Variants in ZBTB47 observed in about 807,000 individuals in gnomAD.
ZBTB47 encodes zinc finger and BTB domain-containing protein 47.
Under a neutral mutation model 56.6 loss-of-function variants are expected in ZBTB47, and 24 were observed. That is an observed-to-expected ratio of 0.42 (90% CI 0.31 to 0.60). The LOEUF (loss-of-function observed/expected upper bound fraction) is 0.60. ZBTB47 is among the 20% of genes least tolerant of loss of function. The pLI, the probability that ZBTB47 is intolerant of heterozygous loss-of-function variation, is 0.14. For missense variants in ZBTB47, 829 were observed against 1,032.6 expected (o/e 0.80, Z 2.70); for synonymous variants, 414 against 418.9 (o/e 0.99, Z 0.14).
Position 42,664,482 on chromosome 3 carries a change from C to T in ZBTB47, c.2128C>T (p.Leu710=), listed in dbSNP as rs1430519398. ...LPPTQPQAHA[L]PLLPGLPQTL... is the part of the protein sequence containing the mutation. ...CCCAACCCAGCCCCAGGCGCACGCA[C>T]TGCCCCTGCTCCCGGGGCTGCCCCA... is the stretch of plus-strand genomic sequence containing the variant. Residue 710 remains leucine, a synonymous_variant, in exon 6 of 6, where the codon CTG becomes TTG. Coordinates refer to ENST00000232974, the MANE Select transcript of ZBTB47 (RefSeq NM_145166.4). The T allele has an allele frequency of 8.0e-6, 12 of 1,507,642 alleles. No homozygotes were observed. Among genetic ancestry groups the T allele is most frequent in the African/African-American group, 2.8e-5 (2 of 72,196 alleles). The allele number at this position is 1,507,642 out of a possible 1,614,324, so 93.4% of individuals were successfully genotyped here.
chr3:42,664,477 A>G lies in ZBTB47; in HGVS notation c.2123A>G (p.His708Arg). ...CTGCCCCCAACCCAGCCCCAGGCGC[A>G]CGCACTGCCCCTGCTCCCGGGGCTG... ...PGLPPTQPQA[H>R]ALPLLPGLPQ... The change falls in exon 6 of 6, where the codon CAC becomes CGC. Residue 708 changes from histidine (H) to arginine (R), a missense_variant. Coordinates refer to ENST00000232974, the MANE Select transcript of ZBTB47 (RefSeq NM_145166.4). 1 of 1,505,984 alleles carries G rather than the reference A, an allele frequency of 6.6e-7. No individual in the cohort carries two copies. The allele number at this position is 1,505,984 out of a possible 1,614,324, so 93.3% of individuals were successfully genotyped here. A position where few individuals can be genotyped will look rare whatever the true frequency, so the allele number is the denominator to read the frequency against.
rs1017337215 is a variant in ZBTB47 at position 42,664,816 on chromosome 3, C to G, written c.*218C>G. 5 of 434,934 alleles carry G rather than the reference C, an allele frequency of 1.1e-5. No individual in the cohort carries two copies. The highest frequency in any genetic ancestry group is 1.1e-4 in the South Asian group (1 of 8,970). 26.9% of individuals were successfully genotyped at this position (434,934 alleles called of 1,614,324 possible). A position where few individuals can be genotyped will look rare whatever the true frequency, so the allele number is the denominator to read the frequency against. ...GGGCATCTCACTCCCAAGTGCCCCC[C>G]CTTTCTGTGACTCCTTGAAGCCTTT... is the stretch of plus-strand genomic sequence containing the variant. On this transcript the variant is annotated 3_prime_UTR_variant, in exon 6 of 6. Transcript: ENST00000232974.
chr3:42,662,321 G>A (rs1342539092), intron 3 of ZBTB47, among the ~76,000 whole-genome samples: 1 of 152,224 alleles, frequency 6.6e-6, no homozygotes. Flanking sequence ...ATGAGACAGT[G>A]CTGGGGGCCC....
At position 42,654,437 on chromosome 3, in the gene ZBTB47, A is replaced by C. The variant is rs1312011335; in HGVS notation, c.-82+554A>C. The C allele has an allele frequency of 6.6e-6, 1 of 150,564 alleles. No homozygotes were observed. The highest frequency in any genetic ancestry group is 1.5e-5 in the Non-Finnish European group (1 of 67,448). 9.3% of individuals were successfully genotyped at this position (150,564 alleles called of 1,614,324 possible). On this transcript the variant is annotated intron_variant, in intron 1 of 5. Transcript: ENST00000232974. The surrounding 1 kb of genome is among the most constrained non-coding windows in gnomAD (Gnocchi z 5.0). ...CTTTAAGCGTCCAGACGGCGGCCCCAGCTGACGCGCGGGCTCCAATCGGCG... is the reference window on the plus strand; with the variant it reads ...CTTTAAGCGTCCAGACGGCGGCCCCCGCTGACGCGCGGGCTCCAATCGGCG...
In ZBTB47 at chr3:42,659,244, G is replaced by A. The variant is rs761959294; in HGVS notation, c.889G>A (p.Gly297Ser). The change falls in exon 2 of 6, where the codon GGC becomes AGC. Residue 297 changes from glycine to serine, a missense_variant. Physicochemically the swap from Gly to Ser is moderately conservative, Grantham distance 56. Around this residue, in one of 6 missense-constraint regions of ZBTB47, gnomAD observed 359 missense variants for 359.8 expected, o/e 1.00. Coordinates refer to ENST00000232974, the MANE Select transcript of ZBTB47 (RefSeq NM_145166.4). ...EEEEEEEEGG[G>S]SGREEEEEEE... Reference sequence around the variant, plus strand: ...GGAAGAAGAGGAAGAGGAAGGTGGTGGCAGTGGACGGGAGGAGGAGGAGGA... The same window carrying A: ...GGAAGAAGAGGAAGAGGAAGGTGGTAGCAGTGGACGGGAGGAGGAGGAGGA... The A allele has an allele frequency of 2.6e-6, 4 of 1,530,968 alleles. No individual in the cohort carries two copies. The highest frequency in any genetic ancestry group is 3.5e-6 in the Non-Finnish European group (4 of 1,143,510). 94.8% of individuals were successfully genotyped at this position (1,530,968 alleles called of 1,614,324 possible). A position where few individuals can be genotyped will look rare whatever the true frequency, so the allele number is the denominator to read the frequency against.
At chr3:42,658,072 G>A (rs1482162511) in intron 1 of ZBTB47, among the ~76,000 whole-genome samples, 1 of 152,234 alleles carries the variant, frequency 6.6e-6, no homozygotes, top group African/African-American at 2.4e-5. Flanking sequence ...AGCCTCAGAG[G>A]GTCACGAGTG....
intron 5 of ZBTB47, 70 bp downstream of exon 5, chr3:42,664,011 C>A (rs2125838978): frequency 6.5e-7 from 1 of 1,528,074 alleles, no homozygotes; most frequent in Non-Finnish European, 8.8e-7. Flanking sequence ...CTCAGGACAC[C>A]TGGAATAATC....
In ZBTB47 at chr3:42,667,357, G is replaced by A. The variant is rs1710802240; in HGVS notation, c.*2759G>A. The stretch of plus-strand genomic sequence containing the variant: ...TGGGTGGCTAGAGTGATGAACTCAA[G>A]CCCTGTGGCCACAGTTCTGGGAGCC... On this transcript the variant is annotated 3_prime_UTR_variant, in exon 6 of 6. Transcript: ENST00000232974. Among the ~76,000 whole-genome samples, 1 of 152,228 alleles carries A rather than the reference G, an allele frequency of 6.6e-6. No homozygotes were observed. The highest frequency in any genetic ancestry group is 1.5e-5 in the Non-Finnish European group (1 of 68,040).
At chr3:42,660,176 A>C (rs1009623678) in intron 2 of ZBTB47, among the ~76,000 whole-genome samples, 2 of 152,192 alleles carry the variant, frequency 1.3e-5, no homozygotes, top group African/African-American at 4.8e-5. Context: ...AAGACAGGCC[A>C]CTCTGGGTGG....
chr3:42,655,167 C>A (rs1241321655), intron 1 of ZBTB47, among the ~76,000 whole-genome samples: 1 of 152,196 alleles, frequency 6.6e-6, no homozygotes, highest in Non-Finnish European at 1.5e-5. Context: ...CTCTCTGGGT[C>A]TATTTCCAAG....
In ZBTB47 at chr3:42,659,189, G is replaced by C; in HGVS notation, c.834G>C (p.Glu278Asp). The C allele has an allele frequency of 2.0e-6, 3 of 1,500,488 alleles. No individual in the cohort carries two copies. The highest frequency in any genetic ancestry group is 1.4e-5 in the African/African-American group (1 of 71,934). 92.9% of individuals were successfully genotyped at this position (1,500,488 alleles called of 1,614,324 possible). ...REDGLQRHSD[E>D]EEEDDEEEEE... ...ACGGGCTGCAGAGACACTCGGACGA[G>C]GAGGAGGAGGACGACGAGGAGGAGG... Residue 278 changes from glutamate to aspartate, a missense_variant, in exon 2 of 6, where the codon GAG becomes GAC. Glu to Asp is a conservative substitution (Grantham distance 45). Around this residue, in one of 6 missense-constraint regions of ZBTB47, gnomAD observed 359 missense variants for 359.8 expected, o/e 1.00. Coordinates refer to ENST00000232974, the MANE Select transcript of ZBTB47 (RefSeq NM_145166.4).
At chr3:42,661,298 G>A (rs920946255) in intron 2 of ZBTB47, among the ~76,000 whole-genome samples, 187 bp from the exon 3 acceptor site, 1 of 152,170 alleles carries the variant, frequency 6.6e-6, no homozygotes, top group African/African-American at 2.4e-5. Flanking sequence ...CAGGCTGTGT[G>A]TTTGGGGGTG....
chr3:42,658,468 AC>A lies in ZBTB47; in HGVS notation c.114del (p.Tyr38Ter). 1 of 1,537,060 alleles carries A rather than the reference AC, an allele frequency of 6.5e-7. No homozygotes were observed. Among genetic ancestry groups the A allele is most frequent in the Non-Finnish European group, 8.7e-7 (1 of 1,146,898 alleles). The part of the protein sequence containing the change: ...FPAHKGVLAA[Y>X]SQFFHSLFTQ... ...GCACACAAGGGTGTGCTAGCCGCCT[AC>A]AGCCAGTTCTTCCACTCACTCTTCA... is the stretch of plus-strand genomic sequence containing the variant. On this transcript the variant is annotated frameshift_variant, in exon 2 of 6. Coordinates refer to ENST00000232974, the MANE Select transcript of ZBTB47 (RefSeq NM_145166.4). LOFTEE classifies it high-confidence loss of function.
chr3:42,657,123 C>T (rs896284750), intron 1 of ZBTB47, among the ~76,000 whole-genome samples: 2 of 152,324 alleles, frequency 1.3e-5, no homozygotes, highest in East Asian at 1.9e-4. Context: ...GGGCAGGCTG[C>T]CTGTCTGTGC....
Position 42,659,185 on chromosome 3 carries a change from A to G in ZBTB47, c.830A>G (p.Asp277Gly). ...GREDGLQRHS[D>G]EEEEDDEEEE... ...GAGGACGGGCTGCAGAGACACTCGG[A>G]CGAGGAGGAGGAGGACGACGAGGAG... is the stretch of plus-strand genomic sequence containing the variant. Residue 277 changes from aspartate to glycine, a missense_variant, in exon 2 of 6, where the codon GAC becomes GGC. By Grantham distance (94) the Asp-to-Gly change is moderately conservative. Transcript: ENST00000232974. The G allele has an allele frequency of 6.6e-7, 1 of 1,524,902 alleles. No homozygotes were observed. The highest frequency in any genetic ancestry group is 8.8e-7 in the Non-Finnish European group (1 of 1,140,990). 94.5% of individuals were successfully genotyped at this position (1,524,902 alleles called of 1,614,324 possible).
intron 2 of ZBTB47, among the ~76,000 whole-genome samples, chr3:42,660,870 C>T (rs1710707599): frequency 6.6e-6 from 1 of 152,208 alleles, no homozygotes. Flanking sequence ...TTGGCCTAGC[C>T]TCCATCCCTG....
chr3:42,661,182 A>ATCC (rs1343181689), intron 2 of ZBTB47, among the ~76,000 whole-genome samples: 1 of 152,210 alleles, frequency 6.6e-6, no homozygotes, highest in Admixed American at 6.5e-5. Flanking sequence ...ATAGACAGAC[A>ATCC]AAGGGTGATG....
chr3:42,652,980 T>C (rs149564861), upstream of ZBTB47, among the ~76,000 whole-genome samples: 6 of 152,346 alleles, frequency 3.9e-5, no homozygotes, highest in East Asian at 1.2e-3. Context: ...TAAGCTGCTC[T>C]GGCCTGGCCT....
chr3:42,658,463 C>T lies in ZBTB47; in HGVS notation c.108C>T (p.Ala36=), dbSNP rs779513793. Residue 36 remains alanine, a synonymous_variant, in exon 2 of 6, where the codon GCC becomes GCT. Coordinates refer to ENST00000232974, the MANE Select transcript of ZBTB47 (RefSeq NM_145166.4). The part of the protein sequence containing the change: ...SVFPAHKGVL[A]AYSQFFHSLF... ...TTCCGGCACACAAGGGTGTGCTAGC[C>T]GCCTACAGCCAGTTCTTCCACTCAC... is the stretch of plus-strand genomic sequence containing the variant. The T allele has an allele frequency of 5.2e-5, 80 of 1,536,944 alleles. No homozygotes were observed. Among genetic ancestry groups the T allele is most frequent in the Middle Eastern group, 1.7e-4 (1 of 6,012 alleles).
Sources: gnomAD v4.1 joint callset for allele counts (sites outside exome capture counted in the v4.1 genomes callset) on GRCh38, gnomAD v4.1.1 for gene constraint, gnomAD v4.1.1 regional missense constraint, Gnocchi (gnomAD v3.1) non-coding constraint, MANE v1.5 for transcripts, NCBI Gene and HGNC (gene_info 2026-07-23, HGNC 2026-07-21) for gene names.